CNTNAP3B: variants seen among roughly 807,000 people sequenced by gnomAD.
CNTNAP3B encodes contactin-associated protein-like 3B.
CNTNAP3B carries 25 observed loss-of-function variants against 108.9 expected under a neutral mutation model. The ratio of observed to expected loss-of-function variants is 0.23; its 90% CI spans 0.17 to 0.32. CNTNAP3B has a LOEUF of 0.32. Ranked by LOEUF, CNTNAP3B falls within the 10% of genes least tolerant of loss-of-function variation. The pLI, the probability that CNTNAP3B is intolerant of heterozygous loss-of-function variation, is 1.00. For missense variants in CNTNAP3B, 252 were observed against 1,210.4 expected (o/e 0.21, Z 11.75); for synonymous variants, 103 against 473.4 (o/e 0.22, Z 10.16).
intron 1 of CNTNAP3B, among the ~76,000 whole-genome samples, chr9:42,113,981 A>G (rs1291261418): frequency 7.7e-6 from 1 of 130,662 alleles, no homozygotes; most frequent in Non-Finnish European, 1.6e-5. Flanking sequence ...AATTCTTTCT[A>G]TGCACCTCTG....
rs552257254 is a variant in CNTNAP3B at position 42,075,003 on chromosome 9, C to T, written c.390+1866G>A. ...AGGTGTCTGCCGGCCGTGCTGCCTC[C>T]GGAGGCTCTAGGGAGGGATCTGTTC... On this transcript the variant is annotated intron_variant, in intron 3 of 23. Transcript: ENST00000377561. Among the ~76,000 whole-genome samples the T allele has an allele frequency of 9.5e-5, 14 of 146,690 alleles. No individual in the cohort carries two copies. In the South Asian group the frequency reaches 1.3e-3, roughly 13 times the overall value.
At chr9:41,940,128 T>A (rs1172263040) in intron 13 of CNTNAP3B, among the ~76,000 whole-genome samples, 8 of 152,390 alleles carry the variant, frequency 5.2e-5, no homozygotes, top group African/African-American at 1.9e-4. Context: ...TAGGGTCCTA[T>A]CAGACAATAT....
At chr9:41,948,046 C>T (rs1297669132) in intron 13 of CNTNAP3B, among the ~76,000 whole-genome samples, 1 of 151,094 alleles carries the variant, frequency 6.6e-6, no homozygotes, top group Non-Finnish European at 1.5e-5. Flanking sequence ...AAAAAAATCT[C>T]TTGGCCCAGA....
At position 42,112,900 on chromosome 9, in the gene CNTNAP3B, C is replaced by T. The variant is rs1186416664; in HGVS notation, c.86-8161G>A. On this transcript the variant is annotated intron_variant, in intron 1 of 23. Transcript: ENST00000377561. ...TTTTTTTTTTTTTGAGACGGAGCCT[C>T]GCCCTGTCGCCCAGGCTAAATTTTT... 4.9e-5 allele frequency among the ~76,000 whole-genome samples: 6 copies of T among 122,400 alleles called. 2 individuals carry two copies. Among genetic ancestry groups the T allele is most frequent in the Admixed American group, 3.3e-4 (4 of 12,274 alleles). 80.3% of individuals were successfully genotyped at this position (122,400 alleles called of 152,430 possible). A position where few individuals can be genotyped will look rare whatever the true frequency, so the allele number is the denominator to read the frequency against.
chr9:41,942,679 TATC>T (rs1181041495), intron 13 of CNTNAP3B, among the ~76,000 whole-genome samples: 417 of 152,012 alleles, frequency 2.7e-3, no homozygotes, highest in African/African-American at 9.6e-3. Context: ...CCCCGCACCT[TATC>T]ATCAATCAGA....
At chr9:41,937,120 A>ATTC (rs1824182964) in intron 14 of CNTNAP3B, among the ~76,000 whole-genome samples, 1 of 147,680 alleles carries the variant, frequency 6.8e-6, no homozygotes, top group African/African-American at 2.6e-5. Context: ...TTAATTTATT[A>ATTC]TTATTATTAT....
Position 42,103,472 on chromosome 9 carries a change from C to T in CNTNAP3B, c.196+1157G>A, listed in dbSNP as rs1173109948. On this transcript the variant is annotated intron_variant, in intron 2 of 23. Transcript: ENST00000377561. ...CGGTTACAGGCTCACGCCTATAATC[C>T]TATCACTTCAGGAGGCTGAGGTGGG... Among the ~76,000 whole-genome samples, 13 of 120,274 alleles carry T rather than the reference C, an allele frequency of 1.1e-4. 1 individual carries two copies. The highest frequency in any genetic ancestry group is 2.5e-4 in the African/African-American group (7 of 27,722). The allele number at this position is 120,274 out of a possible 152,430, so 78.9% of individuals were successfully genotyped here.
chr9:41,990,528 C>T lies in CNTNAP3B; in HGVS notation c.1333+1082G>A, dbSNP rs867640597. 8.0e-5 allele frequency among the ~76,000 whole-genome samples: 10 copies of T among 125,228 alleles called. 1 individual carries two copies. The highest frequency in any genetic ancestry group is 8.3e-5 in the Non-Finnish European group (5 of 60,318). 82.2% of individuals were successfully genotyped at this position (125,228 alleles called of 152,430 possible). A position where few individuals can be genotyped will look rare whatever the true frequency, so the allele number is the denominator to read the frequency against. ...TTCACGGGTCTTGAAATCGTGCTTTCGTACCACAACATTTAATAGCAGTAT... is the reference window on the plus strand; with the variant it reads ...TTCACGGGTCTTGAAATCGTGCTTTTGTACCACAACATTTAATAGCAGTAT... On this transcript the variant is annotated intron_variant, in intron 8 of 23. Coordinates refer to ENST00000377561, the MANE Select transcript of CNTNAP3B (RefSeq NM_001201380.3).
chr9:41,926,458 A>C (rs999942931), intron 15 of CNTNAP3B, among the ~76,000 whole-genome samples: 3 of 152,300 alleles, frequency 2.0e-5, no homozygotes, highest in Admixed American at 1.3e-4. Flanking sequence ...TTCTTCATTA[A>C]TCAATTTATT....
chr9:42,039,354 GAAGAA>G (rs1826704641), intron 3 of CNTNAP3B, among the ~76,000 whole-genome samples: 1 of 109,554 alleles, frequency 9.1e-6, no homozygotes. Flanking sequence ...AACTAATAAA[GAAGAA>G]AAGAGAGAAG....
chr9:42,126,682 G>GC, intron 1 of CNTNAP3B, among the ~76,000 whole-genome samples: 1 of 135,030 alleles, frequency 7.4e-6, no homozygotes, highest in Middle Eastern at 3.5e-3. Context: ...CGATTCTCCT[G>GC]CCTCAGCCTC....
rs1166166331 is a variant in CNTNAP3B, at chr9:42,124,097, C to T, written c.85+4913G>A. 3.6e-5 allele frequency among the ~76,000 whole-genome samples: 5 copies of T among 138,638 alleles called. 1 individual carries two copies. The highest frequency in any genetic ancestry group is 5.7e-5 in the African/African-American group (2 of 34,870). The allele number at this position is 138,638 out of a possible 152,430, so 91.0% of individuals were successfully genotyped here. A position where few individuals can be genotyped will look rare whatever the true frequency, so the allele number is the denominator to read the frequency against. ...TCTTAGCAATAATTTTAATTGCTGC[C>T]TAATTAAGTAGGCATGCTACTTAAA... is the stretch of plus-strand genomic sequence containing the variant. On this transcript the variant is annotated intron_variant, in intron 1 of 23. Transcript: ENST00000377561.
chr9:41,915,649 T>C (rs1823496288), intron 18 of CNTNAP3B, among the ~76,000 whole-genome samples: 1 of 144,432 alleles, frequency 6.9e-6, no homozygotes. Flanking sequence ...TTCCCTTCTA[T>C]TCCTAGTTTA....
rs867818137 is a variant in CNTNAP3B at position 42,089,132 on chromosome 9, G to C, written c.197-12070C>G. Among the ~76,000 whole-genome samples the C allele has an allele frequency of 5.7e-5, 3 of 53,020 alleles. 1 individual carries two copies. Among genetic ancestry groups the C allele is most frequent in the African/African-American group, 2.1e-4 (3 of 14,484 alleles). The allele number at this position is 53,020 out of a possible 152,430, so 34.8% of individuals were successfully genotyped here. On this transcript the variant is annotated intron_variant, in intron 2 of 23. Coordinates refer to ENST00000377561, the MANE Select transcript of CNTNAP3B (RefSeq NM_001201380.3). ...ACTTGGGACAAGGGTAATCCCAGCT[G>C]TTCAGGGAAAGGGAAAGGGAAAAAG...
rs1283001285 is a variant in CNTNAP3B at position 41,947,310 on chromosome 9, A to G, written c.2080+5873T>C. Among the ~76,000 whole-genome samples the G allele has an allele frequency of 2.5e-4, 38 of 152,356 alleles. No individual in the cohort carries two copies. The East Asian group carries it at 6.9e-3, about 28-fold the overall frequency. On this transcript the variant is annotated intron_variant, in intron 13 of 23. Coordinates refer to ENST00000377561, the MANE Select transcript of CNTNAP3B (RefSeq NM_001201380.3). ...ATTTAAAAGAACTAAAATCACACAA[A>G]GTATATTCTCTAAGCATAATGGAAT...
At chr9:42,110,748 C>T (rs1397193290) in intron 1 of CNTNAP3B, among the ~76,000 whole-genome samples, 1 of 137,102 alleles carries the variant, frequency 7.3e-6, no homozygotes, top group African/African-American at 2.9e-5. Flanking sequence ...CTATTCCATT[C>T]TTCCCATTTC....
chr9:41,968,705 G>A (rs1240763746), intron 10 of CNTNAP3B, among the ~76,000 whole-genome samples: 4 of 142,582 alleles, frequency 2.8e-5, no homozygotes, highest in Admixed American at 2.1e-4. Flanking sequence ...AGCCAGAGAA[G>A]ATAATTTTAC....
At chr9:41,981,726 T>C (rs1825631869) in intron 9 of CNTNAP3B, among the ~76,000 whole-genome samples, 1 of 28,074 alleles carries the variant, frequency 3.6e-5, no homozygotes, top group South Asian at 1.4e-3. Flanking sequence ...TTACACCATA[T>C]ACAAAAATCA....
At chr9:42,013,004 C>T (rs1381561128) in intron 4 of CNTNAP3B, among the ~76,000 whole-genome samples, 1 of 93,496 alleles carries the variant, frequency 1.1e-5, no homozygotes, top group Admixed American at 1.1e-4. Context: ...CCCAGTACAG[C>T]TCCTGTTTTC....
Sources: gnomAD v4.1 joint callset for allele counts (sites outside exome capture counted in the v4.1 genomes callset) on GRCh38, gnomAD v4.1.1 for gene constraint, MANE v1.5 for transcripts, NCBI Gene and HGNC (gene_info 2026-07-23, HGNC 2026-07-21) for gene names.